RAB30: variants seen among roughly 807,000 people sequenced by gnomAD.
RAB30 encodes the protein RAB30, member RAS oncogene family, also known as ras-related protein Rab-30.
Under a neutral mutation model 25.1 loss-of-function variants are expected in RAB30, and 9 were observed. The observed-to-expected ratio is 0.36, with a 90% CI of 0.22 to 0.63. RAB30 has a LOEUF of 0.63. Among genes scored for constraint, RAB30 ranks in the 20% least tolerant of loss-of-function variants. The pLI is 0.69. For synonymous variants in RAB30, 77 were observed against 86.4 expected (o/e 0.89, Z 0.60); for missense variants, 140 against 243.5 (o/e 0.58, Z 2.83).
At chr11:83,042,609 A>G (rs191078981) in intron 1 of RAB30, among the ~76,000 whole-genome samples, 2,088 of 152,266 alleles carry the variant, frequency 0.014, 23 homozygotes, top group Non-Finnish European at 0.021. Flanking sequence ...TGGCAACTTC[A>G]TGACTACAAA....
intron 1 of RAB30, among the ~76,000 whole-genome samples, chr11:83,020,199 A>T (rs1857537531): frequency 6.6e-6 from 1 of 152,222 alleles, no homozygotes. Context: ...CCACGGCTGC[A>T]GACCCAGGTA....
chr11:83,019,647 G>T (rs1270342471), intron 1 of RAB30, among the ~76,000 whole-genome samples: 1 of 152,046 alleles, frequency 6.6e-6, no homozygotes, highest in Non-Finnish European at 1.5e-5. Flanking sequence ...TGAACCTTTA[G>T]AACACTAAGT....
intron 1 of RAB30, among the ~76,000 whole-genome samples, chr11:83,005,957 T>TA (rs34248549): frequency 1.5e-3 from 230 of 151,198 alleles, no homozygotes; most frequent in African/African-American, 5.3e-3. Flanking sequence ...TTTTTTTTTT[T>TA]AAAAAACTGA....
At chr11:83,006,466 A>G (rs1015659623) in intron 1 of RAB30, among the ~76,000 whole-genome samples, 1 of 152,224 alleles carries the variant, frequency 6.6e-6, no homozygotes, top group East Asian at 1.9e-4. Flanking sequence ...GCGGGGGCAT[A>G]TGATTCTATA....
At chr11:83,005,463 T>C (rs1471637104) in intron 1 of RAB30, among the ~76,000 whole-genome samples, 1 of 152,138 alleles carries the variant, frequency 6.6e-6, no homozygotes, top group Non-Finnish European at 1.5e-5. Flanking sequence ...AAAACTGAGG[T>C]TCAGAGAGAT....
chr11:83,001,046 CAAAAAAAAAAAAAA>C (rs1181057652), intron 1 of RAB30, among the ~76,000 whole-genome samples: 1 of 53,634 alleles, frequency 1.9e-5, no homozygotes, highest in Non-Finnish European at 3.3e-5. Context: ...GACTCCGTCT[CAAAAAAAAAAAAAA>C]AAAAAAAAAA....
rs532736733 is a variant in RAB30, at chr11:82,974,945, C to CTTTTT, written c.*7215_*7219dup. On this transcript the variant is annotated 3_prime_UTR_variant, in exon 5 of 5. Coordinates refer to ENST00000527633, the MANE Select transcript of RAB30 (RefSeq NM_001286060.2). ...TTTTGAGCAGAGTTTGTTGTTTTTT[C>CTTTTT]TTTTTTTTTTTTTTTTTGCTGAAAA... 7 of 130,880 alleles carry CTTTTT rather than the reference C, an allele frequency of 5.3e-5. No individual in the cohort carries two copies. Among genetic ancestry groups the CTTTTT allele is most frequent in the African/African-American group, 2.0e-4 (7 of 35,122 alleles). 8.1% of individuals were successfully genotyped at this position (130,880 alleles called of 1,614,324 possible).
chr11:83,056,774 C>T (rs967826226), intron 1 of RAB30, among the ~76,000 whole-genome samples: 1 of 152,126 alleles, frequency 6.6e-6, no homozygotes, highest in African/African-American at 2.4e-5. Context: ...TCAGTTTTCT[C>T]ATGTGATTTT....
rs531977786 is a variant in RAB30 at position 82,978,842 on chromosome 11, C to G, written c.*3323G>C. The G allele has an allele frequency of 1.1e-4, 16 of 152,296 alleles. No individual in the cohort carries two copies. In the East Asian group the frequency reaches 1.3e-3, roughly 13 times the overall value. 9.4% of individuals were successfully genotyped at this position (152,296 alleles called of 1,614,324 possible). On this transcript the variant is annotated 3_prime_UTR_variant, in exon 5 of 5. Transcript: ENST00000527633. Reference sequence around the variant, plus strand: ...TCCTCATCCAAATATCTTATTTTGGCCAATCGTTTCTACCTTCCTTATAAA... The same window carrying G: ...TCCTCATCCAAATATCTTATTTTGGGCAATCGTTTCTACCTTCCTTATAAA...
At chr11:82,982,672 G>GC (rs1856663696) in intron 4 of RAB30, among the ~76,000 whole-genome samples, 1 of 152,118 alleles carries the variant, frequency 6.6e-6, no homozygotes, top group Non-Finnish European at 1.5e-5. Context: ...GACTAGCCTG[G>GC]CCAATATGGT....
Position 82,982,084 on chromosome 11 carries a change from A to G in RAB30, c.*81T>C. On this transcript the variant is annotated 3_prime_UTR_variant, in exon 5 of 5. Coordinates refer to ENST00000527633, the MANE Select transcript of RAB30 (RefSeq NM_001286060.2). ...GTCAGAAGGTCAGAGAGCGGGAGCC[A>G]CAGTCATCGCCAGATCTCCCCAGCA... 1 of 1,570,504 alleles carries G rather than the reference A, an allele frequency of 6.4e-7. No individual in the cohort carries two copies. The highest frequency in any genetic ancestry group is 1.2e-5 in the South Asian group (1 of 85,394).
At chr11:83,016,231 T>C (rs1161843750) in intron 1 of RAB30, among the ~76,000 whole-genome samples, 5 of 152,106 alleles carry the variant, frequency 3.3e-5, no homozygotes, top group Non-Finnish European at 5.9e-5. Context: ...AGGACGGTCC[T>C]GATGAAATGA....
rs1457843626 is a variant in RAB30, at chr11:82,980,763, G to A, written c.*1402C>T. ...TGAGTCCTGTTTTTAAATTGGCTAA[G>A]TAAAGGCATATACACCTCCATTTGA... On this transcript the variant is annotated 3_prime_UTR_variant, in exon 5 of 5. Transcript: ENST00000527633. The A allele has an allele frequency of 1.4e-5, 2 of 142,030 alleles. No homozygotes were observed. The highest frequency in any genetic ancestry group is 3.1e-5 in the Non-Finnish European group (2 of 64,642). 8.8% of individuals were successfully genotyped at this position (142,030 alleles called of 1,614,324 possible).
At chr11:83,053,604 G>T in intron 1 of RAB30, among the ~76,000 whole-genome samples, 1 of 144,356 alleles carries the variant, frequency 6.9e-6, no homozygotes, top group Non-Finnish European at 1.5e-5. Context: ...TCTGCTCTAT[G>T]CTTCCTAAAT....
intron 1 of RAB30, among the ~76,000 whole-genome samples, chr11:83,010,099 A>T (rs989488561): frequency 6.6e-6 from 1 of 152,030 alleles, no homozygotes; most frequent in Non-Finnish European, 1.5e-5. Flanking sequence ...GAGAAGTAAA[A>T]CCTCTATATA....
chr11:83,054,070 A>T (rs756851929), intron 1 of RAB30, among the ~76,000 whole-genome samples: 1 of 152,222 alleles, frequency 6.6e-6, no homozygotes, highest in Non-Finnish European at 1.5e-5. Flanking sequence ...AGCCTGGGTG[A>T]CAGACAGAGG....
At chr11:83,041,056 C>T (rs1858099908) in intron 1 of RAB30, among the ~76,000 whole-genome samples, 1 of 151,728 alleles carries the variant, frequency 6.6e-6, no homozygotes, top group Non-Finnish European at 1.5e-5. Context: ...ATTAGCTGGG[C>T]GTGGTTGCAT....
intron 1 of RAB30, among the ~76,000 whole-genome samples, chr11:83,042,398 A>T (rs910921646): frequency 6.6e-6 from 1 of 152,092 alleles, no homozygotes; most frequent in Admixed American, 6.6e-5. Flanking sequence ...ACTAAAAAAA[A>T]TACAAAAAAT....
intron 1 of RAB30, among the ~76,000 whole-genome samples, chr11:83,023,883 T>G (rs1857645249): frequency 6.6e-6 from 1 of 152,144 alleles, no homozygotes; most frequent in South Asian, 2.1e-4. Context: ...TCTGAAAGCT[T>G]TCTTGGATTC....
Sources: gnomAD v4.1 joint callset for allele counts (sites outside exome capture counted in the v4.1 genomes callset) on GRCh38, gnomAD v4.1.1 for gene constraint, MANE v1.5 for transcripts, NCBI Gene and HGNC (gene_info 2026-07-23, HGNC 2026-07-21) for gene names.